Variants in FBXO15 observed in about 807,000 individuals in gnomAD.
FBXO15 encodes F-box protein 15.
FBXO15 carries 30 observed loss-of-function variants against 49.5 expected under a neutral mutation model. The observed-to-expected ratio is 0.61, with a 90% CI of 0.45 to 0.82. FBXO15 has a LOEUF of 0.82. Among genes scored for constraint, FBXO15 ranks in the 40% least tolerant of loss-of-function variants. The pLI is 0.00. For synonymous variants in FBXO15, 250 were observed against 232.7 expected, an observed-to-expected ratio of 1.07 and a Z score of -0.68; for missense variants, 591 against 631.5, an observed-to-expected ratio of 0.94 and a Z score of 0.69.
At chr18:74,144,572 C>G (rs1397053176) in intron 1 of FBXO15, among the ~76,000 whole-genome samples, 1 of 152,152 alleles carries the variant, frequency 6.6e-6, no homozygotes, top group Non-Finnish European at 1.5e-5. Flanking sequence ...TCTGGGGGTA[C>G]AGTCTGCAGC....
At chr18:74,117,203 A>G (rs1171939473) in intron 8 of FBXO15, among the ~76,000 whole-genome samples, 1 of 152,142 alleles carries the variant, frequency 6.6e-6, no homozygotes, top group Non-Finnish European at 1.5e-5. Context: ...CAACCATGGG[A>G]AGTAGAAATA....
At chr18:74,080,651 A>G (rs1313070858) in intron 9 of FBXO15, among the ~76,000 whole-genome samples, 3 of 152,252 alleles carry the variant, frequency 2.0e-5, no homozygotes, top group African/African-American at 7.2e-5. Context: ...CTGTGAGTGC[A>G]TCTGCTGCTA....
At chr18:74,136,781 GC>G (rs1181737798) in intron 2 of FBXO15, among the ~76,000 whole-genome samples, 2 of 152,130 alleles carry the variant, frequency 1.3e-5, no homozygotes, top group Admixed American at 6.5e-5. Context: ...TCAGGAGTGC[GC>G]CTCTGTGAAT....
chr18:74,105,263 CTATTA>C (rs1913701154), intron 8 of FBXO15, among the ~76,000 whole-genome samples: 1 of 152,000 alleles, frequency 6.6e-6, no homozygotes, highest in South Asian at 2.1e-4. Flanking sequence ...CTATGATTGC[CTATTA>C]TATATTTCAA....
At chr18:74,103,658 T>C (rs146703171) in intron 8 of FBXO15, among the ~76,000 whole-genome samples, 138 of 152,150 alleles carry the variant, frequency 9.1e-4, no homozygotes, top group African/African-American at 3.2e-3. Context: ...AGAGCACAAA[T>C]TCATCTGGCA....
intron 9 of FBXO15, chr18:74,078,378 GTCCCT>G (rs1912344540): frequency 7.7e-6 from 1 of 130,140 alleles, no homozygotes; most frequent in African/African-American, 3.1e-5. Flanking sequence ...CCCAGTCACT[GTCCCT>G]CCTGTCCCCG....
At chr18:74,119,502 T>C (rs1008701688) in intron 8 of FBXO15, among the ~76,000 whole-genome samples, 2 of 151,756 alleles carry the variant, frequency 1.3e-5, no homozygotes, top group Admixed American at 6.6e-5. Flanking sequence ...TGAAGAAAAA[T>C]TGAGGCAGGC....
At chr18:74,132,590 T>C (rs1364331953) in intron 3 of FBXO15, among the ~76,000 whole-genome samples, 2 of 152,212 alleles carry the variant, frequency 1.3e-5, no homozygotes, top group African/African-American at 4.8e-5. Context: ...TGGTTCCCCT[T>C]GATTTTTTAT....
chr18:74,107,180 C>A (rs1599156536), intron 8 of FBXO15, among the ~76,000 whole-genome samples: 1 of 141,442 alleles, frequency 7.1e-6, no homozygotes, highest in Non-Finnish European at 1.5e-5. Flanking sequence ...ATGGGGTACA[C>A]AGTGATATTC....
At chr18:74,089,857 A>G (rs568812473) in intron 8 of FBXO15, among the ~76,000 whole-genome samples, 1 of 152,222 alleles carries the variant, frequency 6.6e-6, no homozygotes, top group East Asian at 1.9e-4. Context: ...ATGTTCATCA[A>G]GGATATTGGC....
intron 2 of FBXO15, among the ~76,000 whole-genome samples, chr18:74,136,991 A>G (rs1013183387): frequency 6.6e-6 from 1 of 152,240 alleles, no homozygotes; most frequent in Admixed American, 6.5e-5. Flanking sequence ...GGTGTTTCAC[A>G]GGAAAATAAT....
chr18:74,129,720 A>G lies in FBXO15; in HGVS notation c.576-106T>C. 3.3e-6 allele frequency: 3 copies of G among 913,098 alleles called. No homozygotes were observed. The East Asian group carries it at 7.8e-5, about 24-fold the overall frequency. The allele number at this position is 913,098 out of a possible 1,614,324, so 56.6% of individuals were successfully genotyped here. On this transcript the variant is annotated intron_variant, in intron 4 of 9. Transcript: ENST00000419743. ...TAAAGCATCTAGTTCCTTAAAAGCC[A>G]AAGTCAAAATTCTCAGAATGTGCCC...
intron 9 of FBXO15, among the ~76,000 whole-genome samples, chr18:74,081,336 C>T (rs1037472475): frequency 1.3e-5 from 2 of 152,158 alleles, no homozygotes; most frequent in Non-Finnish European, 2.9e-5. Flanking sequence ...GTGACAAGAA[C>T]CAGGAGCAGC....
chr18:74,139,164 C>A (rs980813886), intron 2 of FBXO15, among the ~76,000 whole-genome samples: 1 of 152,192 alleles, frequency 6.6e-6, no homozygotes, highest in Non-Finnish European at 1.5e-5. Flanking sequence ...TTCCTCACCA[C>A]GCCACCCCAT....
intron 2 of FBXO15, among the ~76,000 whole-genome samples, chr18:74,139,146 G>T (rs1360901151): frequency 6.6e-6 from 1 of 152,162 alleles, no homozygotes; most frequent in Non-Finnish European, 1.5e-5. Flanking sequence ...GCCTCCTGAA[G>T]TAAGTCTTTC....
At chr18:74,146,333 G>A (rs1164918588) in intron 1 of FBXO15, among the ~76,000 whole-genome samples, 2 of 152,084 alleles carry the variant, frequency 1.3e-5, no homozygotes, top group African/African-American at 2.4e-5. Flanking sequence ...TTTTAGCAGC[G>A]GACTTTTCTT....
At chr18:74,110,209 A>ATATT in intron 8 of FBXO15, among the ~76,000 whole-genome samples, 1 of 146,802 alleles carries the variant, frequency 6.8e-6, no homozygotes, top group East Asian at 2.0e-4. Context: ...ATATATATAT[A>ATATT]TATGTTTATG....
chr18:74,142,440 T>C (rs1282466835), intron 1 of FBXO15, among the ~76,000 whole-genome samples: 1 of 152,210 alleles, frequency 6.6e-6, no homozygotes, highest in Non-Finnish European at 1.5e-5. Flanking sequence ...ACTGGGTGAC[T>C]CAGAACAACA....
At chr18:74,107,296 G>T (rs149309217) in intron 8 of FBXO15, among the ~76,000 whole-genome samples, 3 of 151,378 alleles carry the variant, frequency 2.0e-5, no homozygotes, top group Non-Finnish European at 4.4e-5. Context: ...AACAAATACC[G>T]CATGATCCCA....
Sources: gnomAD v4.1 joint callset for allele counts (sites outside exome capture counted in the v4.1 genomes callset) on GRCh38, gnomAD v4.1.1 for gene constraint, MANE v1.5 for transcripts, NCBI Gene and HGNC (gene_info 2026-07-23, HGNC 2026-07-21) for gene names.